The following ECPAS variants were observed in gnomAD, a reference collection of about 807,000 sequenced individuals.
ECPAS encodes the protein proteasome adapter and scaffold protein ECM29.
ECPAS carries 70 observed loss-of-function variants against 255.1 expected under a neutral mutation model. The ratio of observed to expected loss-of-function variants is 0.27; its 90% CI spans 0.23 to 0.33. The LOEUF (loss-of-function observed/expected upper bound fraction) is 0.33, where lower values mean the gene tolerates loss of function less well. Among genes scored for constraint, ECPAS ranks in the 10% least tolerant of loss-of-function variants. The probability of loss-of-function intolerance (pLI) is 1.00; values close to 1 mark genes in which losing one functional copy is unlikely to be tolerated. For synonymous variants in ECPAS, 784 were observed against 775.0 expected, an observed-to-expected ratio of 1.01 and a Z score of -0.19; for missense variants, 1,817 against 2,206.4, an observed-to-expected ratio of 0.82 and a Z score of 3.54.
At chr9:111,413,806 C>T (rs1417068340) in intron 20 of ECPAS, 89 bp downstream of exon 20, 1 of 762,868 alleles carries the variant, frequency 1.3e-6, no homozygotes, top group African/African-American at 1.8e-5. Context: ...CAGAAAAGGT[C>T]ATAGGGATCC....
At chr9:111,451,378 T>G in intron 3 of ECPAS, 47 bp downstream of exon 3, 1 of 1,520,362 alleles carries the variant, frequency 6.6e-7, no homozygotes, top group Non-Finnish European at 8.9e-7. Flanking sequence ...ATAATGTATA[T>G]TCATTTATTC....
intron 34 of ECPAS, 86 bp from the exon 35 acceptor site, chr9:111,383,418 T>A: frequency 6.8e-7 from 1 of 1,469,282 alleles, no homozygotes; most frequent in Non-Finnish European, 9.2e-7. Context: ...CTACTTCACA[T>A]ATCTACAGGG....
At chr9:111,430,521 T>C in intron 9 of ECPAS, 26 bp downstream of exon 9, 1 of 1,406,852 alleles carries the variant, frequency 7.1e-7, no homozygotes. Flanking sequence ...TTTACGCTGA[T>C]GTGAGAATAA....
Position 111,425,568 on chromosome 9 carries a change from T to TAAA in ECPAS, c.1137-75_1137-73dup, listed in dbSNP as rs1319406240. ...CTACATATCTTTACGGATGATTACA[T>TAAA]AAAATAATGAGAGACATAACCGAAA... is the stretch of plus-strand genomic sequence containing the variant. On this transcript the variant is annotated intron_variant, in intron 11 of 49. Coordinates refer to ENST00000684092, the MANE Select transcript of ECPAS (RefSeq NM_001364929.1). The TAAA allele has an allele frequency of 1.3e-5, 15 of 1,173,534 alleles. No individual in the cohort carries two copies. In the Admixed American group the frequency reaches 4.2e-4, roughly 33 times the overall value. 72.7% of individuals were successfully genotyped at this position (1,173,534 alleles called of 1,614,324 possible). A position where few individuals can be genotyped will look rare whatever the true frequency, so the allele number is the denominator to read the frequency against.
chr9:111,435,828 C>T (rs1037279328), intron 7 of ECPAS, among the ~76,000 whole-genome samples: 10 of 150,906 alleles, frequency 6.6e-5, no homozygotes, highest in Admixed American at 4.6e-4. Flanking sequence ...TACAGGCGCC[C>T]GCCACCACGC....
intron 5 of ECPAS, among the ~76,000 whole-genome samples, chr9:111,441,101 G>A (rs1386088729): frequency 1.3e-5 from 2 of 150,966 alleles, no homozygotes; most frequent in East Asian, 2.0e-4. Context: ...GCAGTGAGCC[G>A]AGATCAAGCC....
intron 3 of ECPAS, among the ~76,000 whole-genome samples, chr9:111,444,973 C>T (rs1437428194): frequency 1.4e-5 from 2 of 146,952 alleles, no homozygotes; most frequent in Non-Finnish European, 3.0e-5. Flanking sequence ...GGATTACAGG[C>T]GTAAGCCACT....
chr9:111,421,675 G>C (rs1471789114), intron 15 of ECPAS, among the ~76,000 whole-genome samples: 1 of 152,024 alleles, frequency 6.6e-6, no homozygotes, highest in African/African-American at 2.4e-5. Flanking sequence ...CTTCTAACTC[G>C]GAGGACATGG....
At chr9:111,441,191 A>ATAAAAAT (rs1564547917) in intron 5 of ECPAS, among the ~76,000 whole-genome samples, 1 of 150,774 alleles carries the variant, frequency 6.6e-6, no homozygotes, top group Non-Finnish European at 1.5e-5. Context: ...AAAATAAAAA[A>ATAAAAAT]TAAAAATTAA....
chr9:111,420,515 A>C (rs2098211927), intron 15 of ECPAS, among the ~76,000 whole-genome samples: 1 of 152,156 alleles, frequency 6.6e-6, no homozygotes, highest in Non-Finnish European at 1.5e-5. Context: ...CACATGAGTG[A>C]AAGTCAGGTA....
At chr9:111,411,755 G>A (rs1032077517) in intron 21 of ECPAS, 2 of 333,980 alleles carry the variant, frequency 6.0e-6, no homozygotes, top group African/African-American at 4.3e-5. Flanking sequence ...TGAGCATCCT[G>A]TTGTACCAGG....
intron 45 of ECPAS, 95 bp from the exon 46 acceptor site, chr9:111,369,268 A>T (rs1157563108): frequency 1.5e-5 from 13 of 866,676 alleles, no homozygotes; most frequent in Non-Finnish European, 1.9e-5. Context: ...AAGGCAGGAG[A>T]TATTAACCAA....
At chr9:111,414,373 A>C (rs1021379455) in intron 19 of ECPAS, 56 bp downstream of exon 19, 2 of 1,451,512 alleles carry the variant, frequency 1.4e-6, no homozygotes, top group African/African-American at 2.8e-5. Flanking sequence ...CAAAGTTTAA[A>C]ATTAGATTTT....
At chr9:111,400,405 A>AG (rs2098174049) in intron 24 of ECPAS, among the ~76,000 whole-genome samples, 1 of 152,238 alleles carries the variant, frequency 6.6e-6, no homozygotes, top group Non-Finnish European at 1.5e-5. Flanking sequence ...AACATGTTCG[A>AG]AAAAACATTC....
intron 24 of ECPAS, among the ~76,000 whole-genome samples, chr9:111,403,898 C>T (rs986033486): frequency 2.0e-5 from 3 of 149,790 alleles, no homozygotes; most frequent in African/African-American, 7.6e-5. Context: ...AAATCCAAAT[C>T]ATATCAAGTA....
At position 111,419,532 on chromosome 9, in the gene ECPAS, T is replaced by C. The variant is rs927062562; in HGVS notation, c.1559+485A>G. On this transcript the variant is annotated intron_variant, in intron 16 of 49. Transcript: ENST00000684092. Reference sequence around the variant, plus strand: ...AAAAAGCATTACACACTCTAGAAAATGCAGTAGTATAATTCATTAATATAA... The same window carrying C: ...AAAAAGCATTACACACTCTAGAAAACGCAGTAGTATAATTCATTAATATAA... 5.9e-5 allele frequency among the ~76,000 whole-genome samples: 9 copies of C among 151,894 alleles called. 1 individual carries two copies. The highest frequency in any genetic ancestry group is 1.2e-4 in the Non-Finnish European group (8 of 67,926).
intron 24 of ECPAS, among the ~76,000 whole-genome samples, chr9:111,400,295 A>G (rs1005539999): frequency 2.0e-5 from 3 of 152,258 alleles, no homozygotes; most frequent in African/African-American, 7.2e-5. Flanking sequence ...TCTGAAGGAC[A>G]GGTACAAACA....
At chr9:111,408,341 C>T (rs533612722) in intron 24 of ECPAS, among the ~76,000 whole-genome samples, 7 of 152,298 alleles carry the variant, frequency 4.6e-5, no homozygotes, top group Admixed American at 6.5e-5. Flanking sequence ...ACCCACACTG[C>T]ACCGCACTTT....
intron 3 of ECPAS, among the ~76,000 whole-genome samples, chr9:111,449,591 T>TA (rs1165883016): frequency 4.6e-5 from 7 of 151,916 alleles, no homozygotes; most frequent in Admixed American, 6.6e-5. Flanking sequence ...TGACTTTCTA[T>TA]AAAAAAATAA....
Sources: allele counts gnomAD v4.1 joint callset (sites outside exome capture counted in the v4.1 genomes callset), GRCh38; gene constraint gnomAD v4.1.1; transcripts MANE v1.5; gene names NCBI Gene and HGNC (gene_info 2026-07-23, HGNC 2026-07-21).